The following RBFOX1 variants were observed in gnomAD, a reference collection of about 807,000 sequenced individuals.
RBFOX1 encodes the protein RNA binding protein fox-1 homolog 1.
Under a neutral mutation model 57.7 loss-of-function variants are expected in RBFOX1, and 8 were observed. The ratio of observed to expected loss-of-function variants is 0.14; its 90% CI spans 0.08 to 0.25. The LOEUF (loss-of-function observed/expected upper bound fraction) is 0.25, where lower values mean the gene tolerates loss of function less well. Ranked by LOEUF, RBFOX1 falls within the 10% of genes least tolerant of loss-of-function variation. RBFOX1 has a pLI of 1.00. For synonymous variants in RBFOX1, 326 were observed against 222.4 expected (o/e 1.47, Z -4.15); for missense variants, 611 against 548.5 (o/e 1.11, Z -1.14).
intron 4 of RBFOX1, among the ~76,000 whole-genome samples, chr16:7,328,249 C>G (rs141668638): frequency 6.6e-6 from 1 of 151,948 alleles, no homozygotes; most frequent in Non-Finnish European, 1.5e-5. Context: ...TGGGAGGCTG[C>G]GGCAGGTAGA....
chr16:5,644,781 G>A (rs541950854), intron 3 of RBFOX1, among the ~76,000 whole-genome samples: 9 of 152,184 alleles, frequency 5.9e-5, no homozygotes, highest in Non-Finnish European at 1.3e-4. Context: ...TTGTGTATCC[G>A]TTTATCAGCT....
chr16:5,314,668 T>G (rs188459746), intron 1 of RBFOX1, among the ~76,000 whole-genome samples: 4 of 152,108 alleles, frequency 2.6e-5, no homozygotes, highest in Admixed American at 2.0e-4. Flanking sequence ...GCCCAGCTAA[T>G]TTTTTCATTT....
intron 4 of RBFOX1, among the ~76,000 whole-genome samples, chr16:6,008,952 T>C (rs1018611198): frequency 3.2e-4 from 49 of 152,212 alleles, no homozygotes; most frequent in African/African-American, 1.2e-3. Context: ...GATGGCTTTC[T>C]CATTGACAGC....
chr16:7,003,352 C>T (rs1440847847), intron 3 of RBFOX1, among the ~76,000 whole-genome samples: 3 of 151,664 alleles, frequency 2.0e-5, no homozygotes, highest in Non-Finnish European at 4.4e-5. Flanking sequence ...CCCAGCTACT[C>T]AGGAGGCTGA....
intron 3 of RBFOX1, among the ~76,000 whole-genome samples, chr16:5,635,026 G>A (rs1298306921): frequency 6.6e-6 from 1 of 152,174 alleles, no homozygotes; most frequent in Non-Finnish European, 1.5e-5. Flanking sequence ...GGGTCAGGCA[G>A]TCTCAGAGTC....
At chr16:6,578,371 T>C (rs1433806551) in intron 2 of RBFOX1, among the ~76,000 whole-genome samples, 1 of 152,078 alleles carries the variant, frequency 6.6e-6, no homozygotes, top group Non-Finnish European at 1.5e-5. Context: ...TGGGTGAAAG[T>C]GTGTTGTGAT....
intron 3 of RBFOX1, among the ~76,000 whole-genome samples, chr16:5,758,046 T>C (rs1272342553): frequency 6.6e-6 from 1 of 152,070 alleles, no homozygotes; most frequent in Non-Finnish European, 1.5e-5. Context: ...CAACCTGGGG[T>C]TGGAAGCCTG....
At chr16:6,950,865 GTCTC>G (rs1301115244) in intron 3 of RBFOX1, among the ~76,000 whole-genome samples, 1 of 151,354 alleles carries the variant, frequency 6.6e-6, no homozygotes, top group Admixed American at 6.6e-5. Flanking sequence ...CTCTGTTTTT[GTCTC>G]TCTTTCTCTC....
In RBFOX1 at chr16:5,677,653, A is replaced by G. The variant is rs536113848; in HGVS notation, c.318+78692A>G. 6.6e-5 allele frequency among the ~76,000 whole-genome samples: 10 copies of G among 152,336 alleles called. No individual in the cohort carries two copies. In the East Asian group the frequency reaches 1.4e-3, roughly 21 times the overall value. On this transcript the variant is annotated intron_variant, in intron 3 of 19. Transcript: ENST00000641259. ...CAGGCATATTCCCTGCGCTCATGGA[A>G]TAAACATGTCGTGTTAGTAGAGCTT...
chr16:6,458,212 C>T (rs1274530984), intron 2 of RBFOX1, among the ~76,000 whole-genome samples: 3 of 152,134 alleles, frequency 2.0e-5, no homozygotes, highest in Non-Finnish European at 2.9e-5. Flanking sequence ...TCTGGAAGTT[C>T]GTCTGCAGCA....
intron 1 of RBFOX1, among the ~76,000 whole-genome samples, chr16:5,302,015 C>T (rs1014924342): frequency 8.6e-5 from 13 of 151,832 alleles, no homozygotes; most frequent in African/African-American, 3.1e-4. Flanking sequence ...TCTTTAGCTT[C>T]TTTAGGTTCC....
chr16:6,852,434 T>G (rs1214837400), intron 3 of RBFOX1, among the ~76,000 whole-genome samples: 1 of 152,190 alleles, frequency 6.6e-6, no homozygotes, highest in Non-Finnish European at 1.5e-5. Flanking sequence ...GTTTCAGGGA[T>G]TTTTGACCTG....
intron 5 of RBFOX1, among the ~76,000 whole-genome samples, chr16:7,545,093 C>A (rs574012749): frequency 2.6e-5 from 4 of 152,228 alleles, no homozygotes; most frequent in African/African-American, 9.6e-5. Context: ...TCATGATTAT[C>A]ATTCGAGGCA....
intron 1 of RBFOX1, among the ~76,000 whole-genome samples, chr16:5,249,455 G>C (rs983861643): frequency 6.6e-6 from 1 of 152,206 alleles, no homozygotes; most frequent in African/African-American, 2.4e-5. Flanking sequence ...GCCTGGGAGG[G>C]GACGTGCACG....
intron 2 of RBFOX1, among the ~76,000 whole-genome samples, chr16:6,416,566 A>G (rs2093629904): frequency 6.6e-6 from 1 of 152,168 alleles, no homozygotes; most frequent in Admixed American, 6.5e-5. Flanking sequence ...CAGATAAGAA[A>G]GAGTGGCACC....
intron 3 of RBFOX1, among the ~76,000 whole-genome samples, chr16:5,819,446 C>A (rs1173788872): frequency 6.6e-6 from 1 of 152,204 alleles, no homozygotes; most frequent in African/African-American, 2.4e-5. Flanking sequence ...TGCTCTGCTT[C>A]TGCTCTAGAG....
At chr16:5,861,802 G>A (rs889273369) in intron 3 of RBFOX1, among the ~76,000 whole-genome samples, 1 of 152,176 alleles carries the variant, frequency 6.6e-6, no homozygotes, top group Admixed American at 6.5e-5. Context: ...CCTTTCTCTT[G>A]AACCCATCTT....
intron 4 of RBFOX1, among the ~76,000 whole-genome samples, chr16:7,471,748 A>T (rs555260460): frequency 4.6e-5 from 7 of 152,288 alleles, no homozygotes; most frequent in African/African-American, 1.7e-4. Context: ...AGTAGAAGAG[A>T]CAGGAAAGGT....
chr16:7,305,542 A>G (rs1217468160), intron 4 of RBFOX1, among the ~76,000 whole-genome samples: 2 of 152,194 alleles, frequency 1.3e-5, no homozygotes, highest in Non-Finnish European at 2.9e-5. Flanking sequence ...ACTCACTTCA[A>G]GAGTACCATT....
Sources: allele counts gnomAD v4.1 joint callset (sites outside exome capture counted in the v4.1 genomes callset), GRCh38; gene constraint gnomAD v4.1.1; transcripts MANE v1.5; gene names NCBI Gene and HGNC (gene_info 2026-07-23, HGNC 2026-07-21).